Variants in RET observed in about 807,000 individuals in gnomAD.
RET encodes the protein proto-oncogene tyrosine-protein kinase receptor Ret.
RET carries 19 observed loss-of-function variants against 118.3 expected under a neutral mutation model. The ratio of observed to expected loss-of-function variants is 0.16; its 90% CI spans 0.11 to 0.24. The LOEUF is 0.24. Among genes scored for constraint, RET ranks in the 10% least tolerant of loss-of-function variants. The pLI is 1.00. For synonymous variants in RET, 597 were observed against 644.1 expected (o/e 0.93, Z 1.11); for missense variants, 1,219 against 1,502.1 (o/e 0.81, Z 3.12).
rs1837669780 is a variant in RET at position 43,102,699 on chromosome 10, C to T, written c.625+70C>T. On this transcript the variant is annotated intron_variant, in intron 3 of 19. Coordinates refer to ENST00000355710, the MANE Select transcript of RET (RefSeq NM_020975.6). The stretch of plus-strand genomic sequence containing the variant: ...CTGGTCTTGCTCTGCGAGCCCTTGA[C>T]ACAAGCCATCTGGTTTATTCTTCAC... The T allele has an allele frequency of 1.7e-5, 27 of 1,575,706 alleles. 1 individual carries two copies. In the Middle Eastern group the frequency reaches 5.0e-4, roughly 29 times the overall value.
chr10:43,127,689 G>A (rs879576542), intron 19 of RET, among the ~76,000 whole-genome samples: 1 of 151,914 alleles, frequency 6.6e-6, no homozygotes, highest in Non-Finnish European at 1.5e-5. Flanking sequence ...CCCTCGATTT[G>A]GAAGGTCCTC....
intron 15 of RET, among the ~76,000 whole-genome samples, chr10:43,121,044 T>C (rs1019907172): frequency 2.6e-5 from 4 of 152,194 alleles, no homozygotes; most frequent in African/African-American, 9.7e-5. Flanking sequence ...CTGTTCCGTT[T>C]CTTCTGGGGT....
At chr10:43,124,836 AC>A in intron 17 of RET, 46 bp from the exon 18 acceptor site, 1 of 1,591,194 alleles carries the variant, frequency 6.3e-7, no homozygotes, top group Non-Finnish European at 8.6e-7. Flanking sequence ...TCCTTCTGAG[AC>A]CTGGCCCTGC....
At chr10:43,116,168 G>C (rs1343549716) in intron 11 of RET, among the ~76,000 whole-genome samples, 1 of 152,252 alleles carries the variant, frequency 6.6e-6, no homozygotes, top group Admixed American at 6.5e-5. Flanking sequence ...TTGAGGAGCA[G>C]TGCTTCCACA....
At chr10:43,112,052 T>C (rs1837947164) in intron 7 of RET, 47 bp from the exon 8 acceptor site, 2 of 1,568,546 alleles carry the variant, frequency 1.3e-6, no homozygotes, top group Non-Finnish European at 1.7e-6. Flanking sequence ...AGCTGGACGC[T>C]GGGCCCAGGC....
intron 16 of RET, among the ~76,000 whole-genome samples, chr10:43,122,953 G>T (rs1838250674): frequency 6.6e-6 from 1 of 152,150 alleles, no homozygotes; most frequent in Non-Finnish European, 1.5e-5. Flanking sequence ...TAAGCAATTG[G>T]ACAACAGCTT....
intron 19 of RET, 36 bp downstream of exon 19, chr10:43,126,758 C>T (rs1172514284): frequency 1.9e-6 from 3 of 1,610,274 alleles, no homozygotes; most frequent in Non-Finnish European, 2.5e-6. Flanking sequence ...ATTCTAGCAC[C>T]GCTGTCCCCT....
At chr10:43,104,702 G>C in intron 3 of RET, 1 of 617,958 alleles carries the variant, frequency 1.6e-6, no homozygotes, top group Non-Finnish European at 2.8e-6. Context: ...ACCAGCACGA[G>C]TGAGGACGCA....
At chr10:43,102,236 G>T in intron 2 of RET, 106 bp from the exon 3 acceptor site, 2 of 1,434,256 alleles carry the variant, frequency 1.4e-6, no homozygotes, top group Non-Finnish European at 1.9e-6. Flanking sequence ...GTGGACCTTG[G>T]TGGGGACCAG....
Position 43,116,706 on chromosome 10 carries a change from C to T in RET, c.2259C>T (p.Thr753=). The T allele has an allele frequency of 2.5e-6, 4 of 1,613,900 alleles. No homozygotes were observed. The highest frequency in any genetic ancestry group is 3.4e-6 in the Non-Finnish European group (4 of 1,179,976). The change falls in exon 12 of 20, where the codon ACC becomes ACT. Residue 753 remains threonine, a synonymous_variant. Transcript: ENST00000355710. ...AFHLKGRAGY[T]TVAVKMLKEN... is the part of the protein sequence containing the mutation. Reference sequence around the variant, plus strand: ...ATCTGAAAGGCAGAGCAGGGTACACCACGGTGGCCGTGAAGATGCTGAAAG... The same window carrying T: ...ATCTGAAAGGCAGAGCAGGGTACACTACGGTGGCCGTGAAGATGCTGAAAG...
At chr10:43,080,899 C>G (rs1477514655) in intron 1 of RET, among the ~76,000 whole-genome samples, 1 of 152,206 alleles carries the variant, frequency 6.6e-6, no homozygotes, top group Non-Finnish European at 1.5e-5. Flanking sequence ...GTGGCCCTTG[C>G]AGCCAACATA....
chr10:43,111,874 A>G (rs1239594988), intron 7 of RET, among the ~76,000 whole-genome samples: 1 of 152,150 alleles, frequency 6.6e-6, no homozygotes, highest in Non-Finnish European at 1.5e-5. Flanking sequence ...TTCCTCCTGT[A>G]CTTACCCCAG....
At chr10:43,080,062 G>T (rs1179271886) in intron 1 of RET, among the ~76,000 whole-genome samples, 1 of 152,200 alleles carries the variant, frequency 6.6e-6, no homozygotes, top group Non-Finnish European at 1.5e-5. Context: ...TCACTAAATT[G>T]CCTTTCTTCT....
Position 43,128,626 on chromosome 10 carries a change from G to A in RET, c.*357G>A. 2.4e-6 allele frequency: 1 copy of A among 418,806 alleles called. No homozygotes were observed. Among genetic ancestry groups the A allele is most frequent in the Non-Finnish European group, 4.4e-6 (1 of 224,800 alleles). The allele number at this position is 418,806 out of a possible 1,614,324, so 25.9% of individuals were successfully genotyped here. On this transcript the variant is annotated 3_prime_UTR_variant, in exon 20 of 20. Coordinates refer to ENST00000355710, the MANE Select transcript of RET (RefSeq NM_020975.6). Reference sequence around the variant, plus strand: ...CACTTACTACCTGGTGTATGAAATTGGACCTGAACTGTTGGATTTTTCTAG... The same window carrying A: ...CACTTACTACCTGGTGTATGAAATTAGACCTGAACTGTTGGATTTTTCTAG...
At chr10:43,103,646 G>A (rs527984928) in intron 3 of RET, among the ~76,000 whole-genome samples, 2 of 152,140 alleles carry the variant, frequency 1.3e-5, no homozygotes, top group African/African-American at 2.4e-5. Context: ...AGTAAAGGAA[G>A]ACAAGCCATC....
intron 1 of RET, among the ~76,000 whole-genome samples, chr10:43,081,113 C>T (rs1374926149): frequency 6.6e-6 from 1 of 152,074 alleles, no homozygotes; most frequent in Non-Finnish European, 1.5e-5. Flanking sequence ...CCCCATGCTC[C>T]CTGCTGCCCT....
At chr10:43,096,077 A>T (rs989926119) in intron 1 of RET, among the ~76,000 whole-genome samples, 1 of 152,214 alleles carries the variant, frequency 6.6e-6, no homozygotes, top group Non-Finnish European at 1.5e-5. Context: ...GTCCAGGCAG[A>T]CACCTGTGTG....
chr10:43,083,505 A>G (rs2435361), intron 1 of RET, among the ~76,000 whole-genome samples: 55,869 of 152,168 alleles, frequency 0.37, 10,480 homozygotes, highest in South Asian at 0.42. Flanking sequence ...ACAGAGCTTC[A>G]AGAAGCCTGA....
intron 1 of RET, among the ~76,000 whole-genome samples, chr10:43,088,364 C>T (rs1359537830): frequency 3.9e-5 from 5 of 128,044 alleles, no homozygotes; most frequent in African/African-American, 6.1e-5. Flanking sequence ...GTGATGGAGG[C>T]GGTGGTGTTA....
Sources: allele counts gnomAD v4.1 joint callset (sites outside exome capture counted in the v4.1 genomes callset), GRCh38; gene constraint gnomAD v4.1.1; transcripts MANE v1.5; gene names NCBI Gene and HGNC (gene_info 2026-07-23, HGNC 2026-07-21).